Variants in RGS3 observed in about 807,000 individuals in gnomAD.
RGS3 encodes the protein regulator of G-protein signalling 3.
Under a neutral mutation model 132.6 loss-of-function variants are expected in RGS3, and 80 were observed. That is an observed-to-expected ratio of 0.60 (90% CI 0.50 to 0.73). The LOEUF (loss-of-function observed/expected upper bound fraction) is 0.73, where lower values mean the gene tolerates loss of function less well. RGS3 is among the 30% of genes least tolerant of loss of function. RGS3 has a pLI of 0.00. For missense variants in RGS3, 1,382 were observed against 1,530.8 expected (o/e 0.90, Z 1.62); for synonymous variants, 598 against 620.6 (o/e 0.96, Z 0.54).
intron 14 of RGS3, 127 bp downstream of exon 12, chr9:113,508,707 G>A (rs773455601): frequency 1.2e-6 from 1 of 849,394 alleles, no homozygotes; most frequent in South Asian, 1.4e-5. Context: ...TTAGCCTATC[G>A]ACACAGACTC....
chr9:113,595,961 C>A (rs866842713), intron 24 of RGS3, among the ~76,000 whole-genome samples, 196 bp downstream of exon 22: 15 of 152,244 alleles, frequency 9.9e-5, no homozygotes, highest in Non-Finnish European at 1.0e-4. Context: ...TGGCCACCAC[C>A]AAGGCACTGC....
At chr9:113,564,252 A>G (rs1833902448) in intron 19 of RGS3, among the ~76,000 whole-genome samples, 1 of 152,196 alleles carries the variant, frequency 6.6e-6, no homozygotes, top group Admixed American at 6.5e-5. Context: ...TTCCTTTGCC[A>G]TTCTGTACTT....
intron 21 of RGS3, chr9:113,594,018 C>G (rs1316220134): frequency 8.1e-6 from 13 of 1,612,944 alleles, no homozygotes; most frequent in South Asian, 1.1e-5. Context: ...TTTCACGGCT[C>G]CCTCTCAGGG....
At chr9:113,465,439 CTGTGTGTG>C (rs3221187) in intron 3 of RGS3, among the ~76,000 whole-genome samples, 111 of 135,408 alleles carry the variant, frequency 8.2e-4, no homozygotes, top group African/African-American at 1.5e-3. Flanking sequence ...ACACCTATTT[CTGTGTGTG>C]TGTGTGTGTG....
chr9:113,559,660 A>G (rs989577203), intron 19 of RGS3, among the ~76,000 whole-genome samples: 2 of 152,228 alleles, frequency 1.3e-5, no homozygotes, highest in Non-Finnish European at 2.9e-5. Flanking sequence ...AGTTAAGAGC[A>G]TGGGCCTGGG....
rs766493176 is a variant in RGS3 at position 113,591,446 on chromosome 9, C to T, written c.3080+49C>T. The T allele has an allele frequency of 6.5e-7, 1 of 1,546,744 alleles. No individual in the cohort carries two copies. Among genetic ancestry groups the T allele is most frequent in the Non-Finnish European group, 8.9e-7 (1 of 1,119,830 alleles). On this transcript the variant is annotated intron_variant, in intron 21 of 24. Transcript: ENST00000350696. This position sits in a 1 kb window ranked among gnomAD's most constrained non-coding sequence, Gnocchi z 4.4. ...TCTGCGCTCCTCTTCCTCCCTTGCC[C>T]CAGGGCTTGTCTCTCCTCTAGGGGT... is the stretch of plus-strand genomic sequence containing the variant.
At position 113,463,828 on chromosome 9, in the gene RGS3, C is replaced by A. The variant is rs1167277723; in HGVS notation, c.415+1627C>A. 3.7e-6 allele frequency: 6 copies of A among 1,612,978 alleles called. No homozygotes were observed. Among genetic ancestry groups the A allele is most frequent in the Non-Finnish European group, 5.1e-6 (6 of 1,179,780 alleles). On this transcript the variant is annotated intron_variant, in intron 3 of 24. Coordinates refer to ENST00000350696, the Ensembl canonical transcript of RGS3. The surrounding 1 kb of genome is among the most constrained non-coding windows in gnomAD (Gnocchi z 4.6). ...ATGGAGCGCTCCCTGCACCGCGTCTCCCTCGGGAGCCGGCGTGCCCACCCG... is the reference window on the plus strand; with the variant it reads ...ATGGAGCGCTCCCTGCACCGCGTCTACCTCGGGAGCCGGCGTGCCCACCCG...
At chr9:113,566,099 G>A (rs1348840584) in intron 19 of RGS3, among the ~76,000 whole-genome samples, 1 of 152,174 alleles carries the variant, frequency 6.6e-6, no homozygotes, top group Non-Finnish European at 1.5e-5. Context: ...AGCAGGGTTG[G>A]CTATTGTATC....
intron 17 of RGS3, 45 bp downstream of exon 15, chr9:113,523,086 C>A: frequency 8.1e-7 from 1 of 1,239,258 alleles, no homozygotes; most frequent in Non-Finnish European, 1.2e-6. Flanking sequence ...CAACTTGCCC[C>A]AGTCCCACTG....
chr9:113,596,875 G>T, exon 25 of RGS3: 1 of 1,613,858 alleles, frequency 6.2e-7, no homozygotes. Flanking sequence ...TCATGGAAAA[G>T]GACTCGTACC....
At chr9:113,518,290 C>T (rs79100249) in intron 16 of RGS3, among the ~76,000 whole-genome samples, 464 of 152,328 alleles carry the variant, frequency 3.0e-3, no homozygotes, top group Non-Finnish European at 5.5e-3. Flanking sequence ...GGGTAGCAGG[C>T]TCTTTGCAGA....
chr9:113,559,997 C>T (rs1833725664), intron 19 of RGS3, among the ~76,000 whole-genome samples: 1 of 152,178 alleles, frequency 6.6e-6, no homozygotes, highest in South Asian at 2.1e-4. Flanking sequence ...GTCTAGTCCT[C>T]CTCAGGGTCC....
intron 19 of RGS3, among the ~76,000 whole-genome samples, chr9:113,546,638 C>A (rs1035461275): frequency 9.9e-5 from 15 of 152,174 alleles, no homozygotes; most frequent in African/African-American, 3.6e-4. Context: ...GGATTCAGAG[C>A]TTTTTCTGTT....
Position 113,483,203 on chromosome 9 carries a change from G to A in RGS3, c.525+86G>A, listed in dbSNP as rs1249366485. 5 of 931,840 alleles carry A rather than the reference G, an allele frequency of 5.4e-6. No homozygotes were observed. The African/African-American group carries it at 6.6e-5, about 12-fold the overall frequency. The allele number at this position is 931,840 out of a possible 1,614,324, so 57.7% of individuals were successfully genotyped here. The stretch of plus-strand genomic sequence containing the variant: ...TCCCAAGGTCCCAGCACACCTGTGG[G>A]GCTGGTGACCTTTGAGGAGGCAGTT... On this transcript the variant is annotated intron_variant, in intron 5 of 24. Coordinates refer to ENST00000350696, the Ensembl canonical transcript of RGS3.
At chr9:113,521,582 T>C (rs994271841) in intron 16 of RGS3, among the ~76,000 whole-genome samples, 10 of 152,270 alleles carry the variant, frequency 6.6e-5, no homozygotes, top group African/African-American at 2.4e-4. Context: ...CACATAGCTC[T>C]ACTTTATTTT....
chr9:113,461,420 C>T (rs1829467689), intron 1 of RGS3, among the ~76,000 whole-genome samples: 2 of 152,082 alleles, frequency 1.3e-5, no homozygotes, highest in Admixed American at 6.5e-5. Flanking sequence ...GCCCAAGCTC[C>T]CACTCACCTC....
intron 4 of RGS3, among the ~76,000 whole-genome samples, chr9:113,480,288 C>G (rs1308554028): frequency 6.6e-6 from 1 of 152,006 alleles, no homozygotes; most frequent in Non-Finnish European, 1.5e-5. Context: ...GAAACCCCGT[C>G]TCTACCAAAA....
chr9:113,447,557 TA>T (rs1829141255), intron 1 of RGS3, among the ~76,000 whole-genome samples: 1 of 151,504 alleles, frequency 6.6e-6, no homozygotes, highest in African/African-American at 2.4e-5. Context: ...AAATCATTTT[TA>T]AAAAACTCTT....
At chr9:113,505,988 G>A (rs186863735) in intron 11 of RGS3, among the ~76,000 whole-genome samples, 87 of 152,290 alleles carry the variant, frequency 5.7e-4, no homozygotes, top group African/African-American at 1.9e-3. Flanking sequence ...TGTTTCCAGT[G>A]CCTACACAAG....
Sources: gnomAD v4.1 joint callset for allele counts (sites outside exome capture counted in the v4.1 genomes callset) on GRCh38, gnomAD v4.1.1 for gene constraint, Gnocchi (gnomAD v3.1) non-coding constraint, MANE v1.5 for transcripts, NCBI Gene and HGNC (gene_info 2026-07-23, HGNC 2026-07-21) for gene names.